Variants in CFAP299 observed in about 807,000 individuals in gnomAD.
The protein encoded by CFAP299 is cilia and flagella associated protein 299, also known as cilia- and flagella-associated protein 299.
A neutral mutation model predicts 27.0 loss-of-function variants in CFAP299; 21 were observed. The ratio of observed to expected loss-of-function variants is 0.78; its 90% CI spans 0.55 to 1.12. CFAP299 has a LOEUF of 1.12. Among genes scored for constraint, CFAP299 ranks in the 50% most tolerant of loss-of-function variants. CFAP299 has a pLI of 0.00. For synonymous variants in CFAP299, 104 were observed against 98.1 expected (o/e 1.06, Z -0.36); for missense variants, 310 against 276.6 (o/e 1.12, Z -0.86).
chr4:80,557,925 C>T (rs1734852532), intron 2 of CFAP299, among the ~76,000 whole-genome samples: 1 of 152,108 alleles, frequency 6.6e-6, no homozygotes. Context: ...AATCTTCAAA[C>T]CAGAATGACA....
chr4:80,341,551 AC>A (rs1439663708), intron 1 of CFAP299, among the ~76,000 whole-genome samples: 1 of 152,194 alleles, frequency 6.6e-6, no homozygotes, highest in Non-Finnish European at 1.5e-5. Context: ...AAACCGAGGC[AC>A]CTAGGGTCTG....
chr4:80,387,862 T>C, intron 2 of CFAP299: 1 of 1,244,682 alleles, frequency 8.0e-7, no homozygotes, highest in Non-Finnish European at 1.2e-6. Flanking sequence ...CCGTGGGGTC[T>C]TCAGCATTGG....
chr4:80,360,132 A>C (rs1428681411), intron 1 of CFAP299, among the ~76,000 whole-genome samples: 1 of 152,208 alleles, frequency 6.6e-6, no homozygotes, highest in Non-Finnish European at 1.5e-5. Context: ...GTGTGCTCTA[A>C]GTCTGGGGGA....
At chr4:80,376,402 A>G (rs772381361) in intron 2 of CFAP299, among the ~76,000 whole-genome samples, 22 of 152,164 alleles carry the variant, frequency 1.4e-4, no homozygotes, top group Non-Finnish European at 2.9e-4. Flanking sequence ...TTAAGGAAAT[A>G]TGTTTTCATA....
chr4:80,521,434 T>C (rs1172399065), intron 2 of CFAP299, among the ~76,000 whole-genome samples: 1 of 152,184 alleles, frequency 6.6e-6, no homozygotes, highest in Non-Finnish European at 1.5e-5. Flanking sequence ...GTGACAAAAA[T>C]AGGTAAACGA....
intron 2 of CFAP299, among the ~76,000 whole-genome samples, chr4:80,576,047 A>T (rs944437178): frequency 6.6e-6 from 1 of 151,054 alleles, no homozygotes; most frequent in African/African-American, 2.4e-5. Flanking sequence ...GGGTAGGGGG[A>T]TGGGGGAGGG....
chr4:80,508,401 T>C (rs910250745), intron 2 of CFAP299, among the ~76,000 whole-genome samples: 3 of 152,184 alleles, frequency 2.0e-5, no homozygotes, highest in Non-Finnish European at 4.4e-5. Context: ...AAATAATTTT[T>C]GTGTTTTGGT....
chr4:80,551,108 G>A (rs1398590859), intron 2 of CFAP299, among the ~76,000 whole-genome samples: 1 of 152,122 alleles, frequency 6.6e-6, no homozygotes, highest in Non-Finnish European at 1.5e-5. Context: ...CATGAAAACT[G>A]TTCAACTAAA....
chr4:80,533,453 A>G (rs1733569555), intron 2 of CFAP299, among the ~76,000 whole-genome samples: 1 of 152,214 alleles, frequency 6.6e-6, no homozygotes, highest in Admixed American at 6.5e-5. Flanking sequence ...CTAGCTAGAA[A>G]AAATTTTTTG....
chr4:80,867,376 T>C (rs1732805849), intron 3 of CFAP299, among the ~76,000 whole-genome samples: 1 of 152,192 alleles, frequency 6.6e-6, no homozygotes, highest in African/African-American at 2.4e-5. Flanking sequence ...ATATGATACA[T>C]ATATATATTC....
the CFAP299 span, among the ~76,000 whole-genome samples, chr4:80,326,156 G>T: frequency 6.6e-6 from 1 of 152,034 alleles, no homozygotes; most frequent in Non-Finnish European, 1.5e-5. Context: ...CATCTGTAAG[G>T]TGTATGTGTT....
intron 3 of CFAP299, among the ~76,000 whole-genome samples, chr4:80,691,238 CA>C (rs1323241487): frequency 2.3e-5 from 3 of 128,124 alleles, no homozygotes; most frequent in African/African-American, 6.0e-5. Flanking sequence ...GAGACACAAC[CA>C]AAAAAGAGAA....
At chr4:80,563,378 A>G (rs1735131803) in intron 2 of CFAP299, among the ~76,000 whole-genome samples, 1 of 152,152 alleles carries the variant, frequency 6.6e-6, no homozygotes, top group South Asian at 2.1e-4. Context: ...ACAACTAGAA[A>G]TTAATAAAAA....
chr4:80,897,745 A>T (rs1421154281), intron 4 of CFAP299, among the ~76,000 whole-genome samples: 2 of 152,148 alleles, frequency 1.3e-5, no homozygotes, highest in Admixed American at 1.3e-4. Flanking sequence ...CCTTTTCTGT[A>T]TAATCTATTT....
chr4:80,462,090 A>G (rs934263059), intron 2 of CFAP299, among the ~76,000 whole-genome samples: 3 of 152,100 alleles, frequency 2.0e-5, no homozygotes, highest in Non-Finnish European at 2.9e-5. Flanking sequence ...ATTTAATCCA[A>G]CCTTGGATCC....
rs1731498312 is a variant in CFAP299, at chr4:80,497,255, CT to C, written c.243-85837del. ...ACTGCACTGCAGCCTGAGAGACAGACTAAGACATTATCTCTAAAAACAAACA... is the reference window on the plus strand; with the variant it reads ...ACTGCACTGCAGCCTGAGAGACAGACAAGACATTATCTCTAAAAACAAACA... On this transcript the variant is annotated intron_variant, in intron 2 of 5. Transcript: ENST00000358105. Among the ~76,000 whole-genome samples, 2 of 152,204 alleles carry C rather than the reference CT, an allele frequency of 1.3e-5. 1 individual carries two copies. The highest frequency in any genetic ancestry group is 4.2e-4 in the South Asian group (2 of 4,814).
intron 2 of CFAP299, among the ~76,000 whole-genome samples, chr4:80,419,722 A>C (rs1727198593): frequency 6.6e-6 from 1 of 152,022 alleles, no homozygotes; most frequent in African/African-American, 2.4e-5. Context: ...TAACATACCT[A>C]GTAGTGGGAT....
At chr4:80,956,067 A>G (rs1738047255) in intron 5 of CFAP299, among the ~76,000 whole-genome samples, 1 of 152,184 alleles carries the variant, frequency 6.6e-6, no homozygotes. Context: ...AGAATTTCCC[A>G]CTTGTGGAAA....
At chr4:80,399,012 C>T (rs1725982682) in intron 2 of CFAP299, among the ~76,000 whole-genome samples, 1 of 148,684 alleles carries the variant, frequency 6.7e-6, no homozygotes, top group South Asian at 2.2e-4. Context: ...CAAACAACTC[C>T]ATCAAAAAGT....
Sources: gnomAD v4.1 joint callset for allele counts (sites outside exome capture counted in the v4.1 genomes callset) on GRCh38, gnomAD v4.1.1 for gene constraint, MANE v1.5 for transcripts, NCBI Gene and HGNC (gene_info 2026-07-23, HGNC 2026-07-21) for gene names.